The following ZDHHC14 variants were observed in gnomAD, a reference collection of about 807,000 sequenced individuals.
The protein encoded by ZDHHC14 is zDHHC palmitoyltransferase 14, also known as palmitoyltransferase ZDHHC14.
Under a neutral mutation model 47.7 loss-of-function variants are expected in ZDHHC14, and 16 were observed. That is an observed-to-expected ratio of 0.34 (90% CI 0.23 to 0.51). ZDHHC14 has a LOEUF of 0.51. ZDHHC14 is among the 20% of genes least tolerant of loss of function. The pLI is 0.97. For synonymous variants in ZDHHC14, 293 were observed against 278.9 expected (o/e 1.05, Z -0.50); for missense variants, 515 against 662.5 (o/e 0.78, Z 2.44).
At chr6:157,561,639 A>G (rs1782712844) in intron 2 of ZDHHC14, among the ~76,000 whole-genome samples, 1 of 152,212 alleles carries the variant, frequency 6.6e-6, no homozygotes, top group Non-Finnish European at 1.5e-5. Flanking sequence ...GCTCTCACCC[A>G]GACCTCTTGA....
chr6:157,517,780 C>A (rs1044631799), intron 1 of ZDHHC14, among the ~76,000 whole-genome samples: 1 of 152,236 alleles, frequency 6.6e-6, no homozygotes, highest in African/African-American at 2.4e-5. Flanking sequence ...ACCATCTGGG[C>A]GCTGCCTGCA....
intron 2 of ZDHHC14, among the ~76,000 whole-genome samples, chr6:157,589,863 T>C (rs773322597): frequency 1.6e-4 from 25 of 152,114 alleles, no homozygotes; most frequent in Non-Finnish European, 3.1e-4. Context: ...CAGAAGAAGA[T>C]AGGAAGATGT....
chr6:157,544,722 C>A (rs1177440781), intron 2 of ZDHHC14, among the ~76,000 whole-genome samples: 1 of 152,126 alleles, frequency 6.6e-6, no homozygotes, highest in African/African-American at 2.4e-5. Flanking sequence ...TAGGATGGCA[C>A]TAATCAAAAA....
At chr6:157,668,604 G>A (rs1460793026) in intron 8 of ZDHHC14, among the ~76,000 whole-genome samples, 1 of 152,064 alleles carries the variant, frequency 6.6e-6, no homozygotes, top group Non-Finnish European at 1.5e-5. Context: ...GGAGGCTGAG[G>A]TAGGAGAATT....
At chr6:157,458,416 A>G (rs1199235206) in intron 1 of ZDHHC14, among the ~76,000 whole-genome samples, 3 of 152,222 alleles carry the variant, frequency 2.0e-5, no homozygotes, top group Non-Finnish European at 4.4e-5. Context: ...TATCTGTTAC[A>G]TTGCTTGATA....
intron 4 of ZDHHC14, 33 bp from the exon 5 acceptor site, chr6:157,632,801 T>C (rs368157925): frequency 7.5e-6 from 12 of 1,609,722 alleles, no homozygotes; most frequent in Non-Finnish European, 1.0e-5. Context: ...GCTGTTTCTA[T>C]CTGAATACTA....
intron 3 of ZDHHC14, among the ~76,000 whole-genome samples, chr6:157,612,025 A>G (rs1784768533): frequency 6.7e-6 from 1 of 149,698 alleles, no homozygotes; most frequent in African/African-American, 2.5e-5. Flanking sequence ...ACCCCAAATC[A>G]TCTTTCCCCA....
intron 1 of ZDHHC14, among the ~76,000 whole-genome samples, chr6:157,448,167 C>A (rs748588552): frequency 2.0e-5 from 3 of 152,186 alleles, no homozygotes; most frequent in Admixed American, 6.5e-5. Context: ...TGTGAGCCAC[C>A]ACGCCTTGCC....
At chr6:157,612,068 T>C (rs1254940871) in intron 3 of ZDHHC14, among the ~76,000 whole-genome samples, 1 of 152,168 alleles carries the variant, frequency 6.6e-6, no homozygotes, top group African/African-American at 2.4e-5. Flanking sequence ...GCCAGCCCCA[T>C]TCACAGGCTA....
chr6:157,650,894 G>A (rs1357453367), intron 7 of ZDHHC14, among the ~76,000 whole-genome samples: 40 of 152,132 alleles, frequency 2.6e-4, no homozygotes, highest in Admixed American at 2.6e-3. Flanking sequence ...ACAGGGGGTC[G>A]GTGCTTTTGG....
intron 1 of ZDHHC14, among the ~76,000 whole-genome samples, chr6:157,472,158 A>G (rs963630114): frequency 6.6e-6 from 1 of 152,130 alleles, no homozygotes; most frequent in African/African-American, 2.4e-5. Flanking sequence ...CTGCAGCCTC[A>G]GCAGTCTCCG....
chr6:157,395,357 G>A (rs1777500695), intron 1 of ZDHHC14, among the ~76,000 whole-genome samples: 1 of 149,160 alleles, frequency 6.7e-6, no homozygotes, highest in Non-Finnish European at 1.5e-5. Flanking sequence ...GTAGAGATGG[G>A]GTCTCACTAT....
chr6:157,435,958 A>C (rs1161691049), intron 1 of ZDHHC14, among the ~76,000 whole-genome samples: 4 of 152,170 alleles, frequency 2.6e-5, no homozygotes, highest in African/African-American at 9.7e-5. Context: ...GGGTAGGGGC[A>C]TGGAGGATAT....
intron 1 of ZDHHC14, among the ~76,000 whole-genome samples, chr6:157,397,739 A>C (rs1324869293): frequency 1.3e-5 from 2 of 152,106 alleles, no homozygotes; most frequent in Non-Finnish European, 2.9e-5. Flanking sequence ...CCACATCCGG[A>C]TTCTTATTGT....
At chr6:157,519,233 T>C (rs1295551223) in intron 1 of ZDHHC14, among the ~76,000 whole-genome samples, 3 of 152,236 alleles carry the variant, frequency 2.0e-5, no homozygotes, top group Non-Finnish European at 4.4e-5. Flanking sequence ...AAAACTATGA[T>C]AGTGTCTCTA....
chr6:157,488,863 C>T (rs745382314), intron 1 of ZDHHC14, among the ~76,000 whole-genome samples: 1 of 152,182 alleles, frequency 6.6e-6, no homozygotes, highest in Non-Finnish European at 1.5e-5. Context: ...TTCTGAGCCG[C>T]GGTGTGGAGG....
chr6:157,414,602 C>G (rs1777937727), intron 1 of ZDHHC14, among the ~76,000 whole-genome samples: 1 of 152,198 alleles, frequency 6.6e-6, no homozygotes, highest in East Asian at 1.9e-4. Flanking sequence ...CAGAGACTTT[C>G]ATCCAGGCCA....
intron 1 of ZDHHC14, among the ~76,000 whole-genome samples, chr6:157,527,420 T>C (rs1781196818): frequency 6.6e-6 from 1 of 152,210 alleles, no homozygotes; most frequent in African/African-American, 2.4e-5. Context: ...AAAAATCTCT[T>C]CAAAAAAGTG....
rs748747627 is a variant in ZDHHC14, at chr6:157,674,671, G to C, written c.*1549G>C. 1 of 152,160 alleles carries C rather than the reference G, an allele frequency of 6.6e-6. No homozygotes were observed. The highest frequency in any genetic ancestry group is 1.5e-5 in the Non-Finnish European group (1 of 68,028). 9.4% of individuals were successfully genotyped at this position (152,160 alleles called of 1,614,324 possible). A position where few individuals can be genotyped will look rare whatever the true frequency, so the allele number is the denominator to read the frequency against. On this transcript the variant is annotated 3_prime_UTR_variant, in exon 9 of 9. Transcript: ENST00000359775. ...CAAGTGATTTGCATTTATGGAAAAA[G>C]GCTATTACTCCTGAGAAAGAGTTGC...
Sources: allele counts gnomAD v4.1 joint callset (sites outside exome capture counted in the v4.1 genomes callset), GRCh38; gene constraint gnomAD v4.1.1; transcripts MANE v1.5; gene names NCBI Gene and HGNC (gene_info 2026-07-23, HGNC 2026-07-21).